CACNA2D1: variants seen among roughly 807,000 people sequenced by gnomAD.
CACNA2D1 encodes voltage-dependent calcium channel subunit alpha-2/delta-1.
In CACNA2D1, 53 loss-of-function variants were observed where a neutral mutation model predicts 171.5. The observed-to-expected ratio is 0.31, with a 90% CI of 0.25 to 0.39. The LOEUF is 0.39. CACNA2D1 is among the 10% of genes least tolerant of loss of function. CACNA2D1 has a pLI of 1.00. For synonymous variants in CACNA2D1, 442 were observed against 443.1 expected, an observed-to-expected ratio of 1.00 and a Z score of 0.03; for missense variants, 903 against 1,299.8, an observed-to-expected ratio of 0.69 and a Z score of 4.69.
chr7:82,160,445 T>C (rs753591608), intron 4 of CACNA2D1, among the ~76,000 whole-genome samples: 1 of 152,094 alleles, frequency 6.6e-6, no homozygotes, highest in South Asian at 2.1e-4. Context: ...TATTAAATAC[T>C]GTCAGAATTT....
Position 81,950,356 on chromosome 7 carries a change from C to T in CACNA2D1, c.*36G>A, listed in dbSNP as rs1258481463. On this transcript the variant is annotated 3_prime_UTR_variant, in exon 39 of 39. Coordinates refer to ENST00000356860, the MANE Select transcript of CACNA2D1 (RefSeq NM_000722.4). Reference sequence around the variant, plus strand: ...GGCAGGGCTCATGTTTTGGCAGGGTCTGGAGTTTAACTATGCAGATTTGGT... The same window carrying T: ...GGCAGGGCTCATGTTTTGGCAGGGTTTGGAGTTTAACTATGCAGATTTGGT... The T allele has an allele frequency of 1.2e-6, 2 of 1,612,634 alleles. No individual in the cohort carries two copies. The highest frequency in any genetic ancestry group is 1.7e-6 in the Non-Finnish European group (2 of 1,179,186).
At chr7:81,997,504 T>C (rs1008728887) in intron 18 of CACNA2D1, among the ~76,000 whole-genome samples, 2 of 151,714 alleles carry the variant, frequency 1.3e-5, no homozygotes, top group Non-Finnish European at 2.9e-5. Context: ...TATTTGATAC[T>C]GCATTTATAT....
At chr7:82,055,950 T>TATA (rs1327973456) in intron 10 of CACNA2D1, among the ~76,000 whole-genome samples, 1 of 94,978 alleles carries the variant, frequency 1.1e-5, no homozygotes, top group East Asian at 3.2e-4. Context: ...ATATATATAA[T>TATA]TTTTTAAAAA....
intron 3 of CACNA2D1, among the ~76,000 whole-genome samples, chr7:82,191,352 A>G (rs528573219): frequency 3.8e-4 from 57 of 151,840 alleles, no homozygotes; most frequent in Non-Finnish European, 6.2e-4. Flanking sequence ...TTCAAAAGCG[A>G]TTAGTTTAAA....
intron 4 of CACNA2D1, among the ~76,000 whole-genome samples, chr7:82,141,490 C>CTTT: frequency 6.6e-6 from 1 of 152,238 alleles, no homozygotes; most frequent in Admixed American, 6.5e-5. Flanking sequence ...CCCACTTAGA[C>CTTT]TTTGTACAGG....
intron 1 of CACNA2D1, among the ~76,000 whole-genome samples, chr7:82,417,645 C>G (rs1828305343): frequency 6.6e-6 from 1 of 152,080 alleles, no homozygotes; most frequent in Non-Finnish European, 1.5e-5. Flanking sequence ...GTTTTCAACC[C>G]AGGGTGATTT....
At chr7:82,106,245 C>T (rs993922823) in intron 6 of CACNA2D1, among the ~76,000 whole-genome samples, 29 of 152,068 alleles carry the variant, frequency 1.9e-4, no homozygotes, top group Admixed American at 6.6e-5. Flanking sequence ...AAGTCAAATG[C>T]CAAATGATTA....
chr7:82,087,992 G>A (rs1267183129), intron 6 of CACNA2D1, among the ~76,000 whole-genome samples: 4 of 151,858 alleles, frequency 2.6e-5, no homozygotes, highest in Non-Finnish European at 5.9e-5. Flanking sequence ...CTCTTCCCTT[G>A]TCTCTATCTC....
rs116274559 is a variant in CACNA2D1, at chr7:82,380,357, T to C, written c.96-30708A>G. Among the ~76,000 whole-genome samples the C allele has an allele frequency of 7.1e-3, 1,087 of 152,272 alleles. 17 individuals carry two copies. The highest frequency in any genetic ancestry group is 0.024 in the African/African-American group (1,007 of 41,542). On this transcript the variant is annotated intron_variant, in intron 1 of 38. Transcript: ENST00000356860. ...CTTCCTTTATACCAGAGTCTAGACA[T>C]AGAGGAAAAAATCCTATGATTGATA...
intron 5 of CACNA2D1, among the ~76,000 whole-genome samples, chr7:82,131,915 T>C (rs258702): frequency 0.38 from 57,937 of 152,014 alleles, 11,173 homozygotes; most frequent in East Asian, 0.46. Flanking sequence ...AAATCCACCC[T>C]GTACTGCAAA....
intron 5 of CACNA2D1, among the ~76,000 whole-genome samples, chr7:82,133,869 G>T (rs763476524): frequency 3.9e-5 from 6 of 152,050 alleles, no homozygotes; most frequent in Admixed American, 2.0e-4. Context: ...TCAGGAGATC[G>T]AGACCATCCT....
Position 82,005,418 on chromosome 7 carries a change from C to T in CACNA2D1, c.1590+5G>A. 1 of 1,536,008 alleles carries T rather than the reference C, an allele frequency of 6.5e-7. No individual in the cohort carries two copies. Among genetic ancestry groups the T allele is most frequent in the Non-Finnish European group, 9.0e-7 (1 of 1,115,468 alleles). On this transcript the variant is annotated splice_donor_5th_base_variant and intron_variant, in intron 18 of 38. Coordinates refer to ENST00000356860, the MANE Select transcript of CACNA2D1 (RefSeq NM_000722.4). ...CTAATCACTGTAAACAAATTATATA[C>T]TGACCTTTGGCTGAAGATTTGGATG...
In CACNA2D1 at chr7:82,359,982, G is replaced by A. The variant is rs79452127; in HGVS notation, c.96-10333C>T. Among the ~76,000 whole-genome samples, 707 of 152,322 alleles carry A rather than the reference G, an allele frequency of 4.6e-3. 4 individuals carry two copies. The highest frequency in any genetic ancestry group is 0.016 in the African/African-American group (685 of 41,578). ...CCGTTATTAGTCCTACTTTACAGAT[G>A]AGGAAACTGAGGCATAGAGCGGTTA... On this transcript the variant is annotated intron_variant, in intron 1 of 38. Transcript: ENST00000356860.
At chr7:82,367,442 G>T (rs985850561) in intron 1 of CACNA2D1, among the ~76,000 whole-genome samples, 1 of 152,086 alleles carries the variant, frequency 6.6e-6, no homozygotes, top group Non-Finnish European at 1.5e-5. Flanking sequence ...CCACCTCACA[G>T]AGGAATTCTC....
intron 1 of CACNA2D1, among the ~76,000 whole-genome samples, chr7:82,370,745 A>C (rs1822311586): frequency 6.6e-6 from 1 of 152,174 alleles, no homozygotes; most frequent in Admixed American, 6.5e-5. Context: ...AAGAGTGTTC[A>C]CTGAAACAGT....
chr7:82,068,377 C>G (rs1366153605), intron 7 of CACNA2D1, among the ~76,000 whole-genome samples: 1 of 152,108 alleles, frequency 6.6e-6, no homozygotes, highest in African/African-American at 2.4e-5. Context: ...CTTGGTGGGC[C>G]ATGACCATGG....
intron 12 of CACNA2D1, chr7:82,029,398 A>G (rs1302675609): frequency 2.6e-5 from 4 of 151,748 alleles, no homozygotes; most frequent in Middle Eastern, 3.4e-3. Flanking sequence ...CTTAATTGCA[A>G]TTTTCACTCT....
At chr7:81,985,727 G>C (rs746990405) in intron 21 of CACNA2D1, among the ~76,000 whole-genome samples, 1 of 152,002 alleles carries the variant, frequency 6.6e-6, no homozygotes, top group African/African-American at 2.4e-5. Flanking sequence ...ACATTATTTG[G>C]AAGATTGTTA....
At chr7:82,316,154 T>A (rs951017266) in intron 3 of CACNA2D1, among the ~76,000 whole-genome samples, 6 of 152,196 alleles carry the variant, frequency 3.9e-5, no homozygotes, top group Admixed American at 3.3e-4. Context: ...AAGACACAGA[T>A]AATAAATAAG....
Sources: gnomAD v4.1 joint callset for allele counts (sites outside exome capture counted in the v4.1 genomes callset) on GRCh38, gnomAD v4.1.1 for gene constraint, MANE v1.5 for transcripts, NCBI Gene and HGNC (gene_info 2026-07-23, HGNC 2026-07-21) for gene names.